Variants in NRG1 observed in about 807,000 individuals in gnomAD.
NRG1 encodes the protein pro-neuregulin-1, membrane-bound isoform.
Under a neutral mutation model 63.8 loss-of-function variants are expected in NRG1, and 18 were observed. The ratio of observed to expected loss-of-function variants is 0.28; its 90% CI spans 0.19 to 0.42. NRG1 has a LOEUF of 0.42. Among genes scored for constraint, NRG1 ranks in the 10% least tolerant of loss-of-function variants. NRG1 has a pLI of 1.00. For missense variants in NRG1, 762 were observed against 814.7 expected, an observed-to-expected ratio of 0.94 and a Z score of 0.79; for synonymous variants, 302 against 301.3, an observed-to-expected ratio of 1.00 and a Z score of -0.02.
At chr8:31,918,422 A>G (rs1471140424) in intron 1 of NRG1, among the ~76,000 whole-genome samples, 1 of 152,154 alleles carries the variant, frequency 6.6e-6, no homozygotes, top group Non-Finnish European at 1.5e-5. Context: ...GAGTTGTTGA[A>G]TTTTGTCAAA....
chr8:31,658,740 G>C (rs142005183), intron 1 of NRG1, among the ~76,000 whole-genome samples: 19 of 152,294 alleles, frequency 1.2e-4, no homozygotes, highest in African/African-American at 4.6e-4. Flanking sequence ...TGAGATGACA[G>C]GTATGAGCCG....
intron 1 of NRG1, among the ~76,000 whole-genome samples, chr8:31,683,341 A>G (rs1196255701): frequency 2.0e-5 from 3 of 152,136 alleles, no homozygotes; most frequent in Non-Finnish European, 2.9e-5. Context: ...ACACCTAGAC[A>G]ATGGAATACT....
intron 1 of NRG1, among the ~76,000 whole-genome samples, chr8:31,991,260 G>A (rs1811016209): frequency 6.6e-6 from 1 of 151,966 alleles, no homozygotes; most frequent in African/African-American, 2.4e-5. Flanking sequence ...GATGAAAACA[G>A]TTTTCTCATC....
chr8:32,694,678 G>A (rs753044142), intron 5 of NRG1, among the ~76,000 whole-genome samples: 1 of 152,150 alleles, frequency 6.6e-6, no homozygotes, highest in African/African-American at 2.4e-5. Flanking sequence ...GAACGTGTGG[G>A]TGTGTGCACA....
intron 5 of NRG1, among the ~76,000 whole-genome samples, chr8:32,627,612 A>G (rs891772063): frequency 1.3e-5 from 2 of 152,132 alleles, no homozygotes; most frequent in Non-Finnish European, 2.9e-5. Context: ...CCAGCTTGCA[A>G]TTTCCTGAAC....
chr8:32,500,560 A>G (rs1587996252), intron 1 of NRG1, among the ~76,000 whole-genome samples: 1 of 152,238 alleles, frequency 6.6e-6, no homozygotes, highest in South Asian at 2.1e-4. Flanking sequence ...CCTTAGTAGG[A>G]CAGCCAATGT....
chr8:31,668,038 A>G (rs909573776), intron 1 of NRG1, among the ~76,000 whole-genome samples: 1 of 152,186 alleles, frequency 6.6e-6, no homozygotes, highest in Non-Finnish European at 1.5e-5. Flanking sequence ...CTTCTATTGG[A>G]AGAGGATCAC....
chr8:32,340,363 G>A (rs775638053), intron 1 of NRG1, among the ~76,000 whole-genome samples: 5 of 152,076 alleles, frequency 3.3e-5, no homozygotes, highest in Admixed American at 2.0e-4. Flanking sequence ...ACCACTCAGT[G>A]GCTGCTAAAT....
intron 1 of NRG1, among the ~76,000 whole-genome samples, chr8:32,429,999 T>C (rs1817928348): frequency 6.6e-6 from 1 of 152,224 alleles, no homozygotes; most frequent in South Asian, 2.1e-4. Flanking sequence ...TGTGTGTGTA[T>C]GGAAACTGAA....
intron 1 of NRG1, among the ~76,000 whole-genome samples, chr8:32,366,697 A>G (rs1385423913): frequency 7.9e-5 from 9 of 113,542 alleles, no homozygotes; most frequent in Non-Finnish European, 9.5e-5. Flanking sequence ...ATATATATAT[A>G]TATATATATA....
chr8:32,367,834 G>A (rs924562994), intron 1 of NRG1, among the ~76,000 whole-genome samples: 3 of 152,002 alleles, frequency 2.0e-5, no homozygotes, highest in African/African-American at 7.2e-5. Flanking sequence ...ATCCATTTTG[G>A]TTTAATTTTT....
chr8:32,050,098 A>C (rs1435658927), intron 1 of NRG1, among the ~76,000 whole-genome samples: 5 of 152,168 alleles, frequency 3.3e-5, no homozygotes, highest in Non-Finnish European at 7.4e-5. Context: ...TGGTAACAAA[A>C]AATAAGGTTA....
chr8:31,873,908 A>G (rs1829701448), intron 1 of NRG1, among the ~76,000 whole-genome samples: 1 of 152,192 alleles, frequency 6.6e-6, no homozygotes, highest in African/African-American at 2.4e-5. Flanking sequence ...TTTCAATAAA[A>G]GTCTTGCTCT....
At chr8:32,605,941 T>C (rs1406792015) in intron 3 of NRG1, among the ~76,000 whole-genome samples, 2 of 151,910 alleles carry the variant, frequency 1.3e-5, no homozygotes, top group Non-Finnish European at 2.9e-5. Flanking sequence ...ATAGGTTGGG[T>C]TGCTAAAATA....
chr8:31,882,360 C>G (rs1027292920), intron 1 of NRG1, among the ~76,000 whole-genome samples: 1 of 136,208 alleles, frequency 7.3e-6, no homozygotes, highest in Non-Finnish European at 1.6e-5. Context: ...AAAAAATACT[C>G]TTTTAAAAAT....
intron 1 of NRG1, among the ~76,000 whole-genome samples, chr8:32,086,487 G>A (rs188980823): frequency 3.1e-5 from 3 of 96,708 alleles, no homozygotes; most frequent in East Asian, 2.9e-3. Context: ...ATGAATATAG[G>A]TCATCTCAGT....
chr8:32,524,439 C>G (rs542789960), intron 1 of NRG1, among the ~76,000 whole-genome samples: 1 of 152,220 alleles, frequency 6.6e-6, no homozygotes, highest in South Asian at 2.1e-4. Flanking sequence ...TCTCTTGGTT[C>G]CTTTTTCCTG....
chr8:32,467,910 C>G (rs10113264), intron 1 of NRG1, among the ~76,000 whole-genome samples: 77,612 of 152,004 alleles, frequency 0.51, 20,427 homozygotes, highest in African/African-American at 0.55. Context: ...ATTCCTAGTG[C>G]ACAGAGCTTC....
intron 1 of NRG1, among the ~76,000 whole-genome samples, chr8:31,866,336 G>A (rs1468533242): frequency 6.6e-6 from 1 of 152,194 alleles, no homozygotes; most frequent in African/African-American, 2.4e-5. Flanking sequence ...CTTGGATTGA[G>A]TAATAAAGGA....
Sources: allele counts gnomAD v4.1 joint callset (sites outside exome capture counted in the v4.1 genomes callset), GRCh38; gene constraint gnomAD v4.1.1; transcripts MANE v1.5; gene names NCBI Gene and HGNC (gene_info 2026-07-23, HGNC 2026-07-21).